PRIM2: variants seen among roughly 807,000 people sequenced by gnomAD.
PRIM2 encodes the protein DNA primase subunit 2.
A neutral mutation model predicts 67.3 loss-of-function variants in PRIM2; 39 were observed. The ratio of observed to expected loss-of-function variants is 0.58; its 90% CI spans 0.45 to 0.76. PRIM2 has a LOEUF of 0.76. Ranked by LOEUF, PRIM2 falls within the 30% of genes least tolerant of loss-of-function variation. PRIM2 has a pLI of 0.00. For synonymous variants in PRIM2, 143 were observed against 198.7 expected (o/e 0.72, Z 2.36); for missense variants, 398 against 598.7 (o/e 0.66, Z 3.50).
Position 57,318,417 on chromosome 6 carries a change from T to A in PRIM2, c.-9-20T>A. On this transcript the variant is annotated intron_variant, in intron 1 of 13. Coordinates refer to ENST00000615550, the MANE Select transcript of PRIM2 (RefSeq NM_000947.5). ...CTTTGTTTTCCATCATTTTACGCTT[T>A]TTGTGTACTTCCTTCTAAGGTGACC... 4 of 1,569,458 alleles carry A rather than the reference T, an allele frequency of 2.5e-6. No individual in the cohort carries two copies. Among genetic ancestry groups the A allele is most frequent in the Non-Finnish European group, 3.4e-6 (4 of 1,159,518 alleles).
chr6:57,368,714 C>A (rs1385445585), intron 5 of PRIM2, among the ~76,000 whole-genome samples: 2 of 152,092 alleles, frequency 1.3e-5, no homozygotes, highest in Non-Finnish European at 2.9e-5. Context: ...AATAAATATA[C>A]ATATATTGGA....
intron 9 of PRIM2, among the ~76,000 whole-genome samples, chr6:57,536,242 A>G (rs1775000463): frequency 6.6e-6 from 1 of 152,224 alleles, no homozygotes; most frequent in Non-Finnish European, 1.5e-5. Context: ...TATGTGAGGG[A>G]GTAAGAATTT....
intron 5 of PRIM2, among the ~76,000 whole-genome samples, chr6:57,336,347 A>G (rs1379346733): frequency 6.6e-6 from 1 of 151,994 alleles, no homozygotes; most frequent in East Asian, 1.9e-4. Flanking sequence ...CAGATTCAGG[A>G]AATACAGAGA....
intron 10 of PRIM2, among the ~76,000 whole-genome samples, chr6:57,589,136 C>T (rs1776242952): frequency 6.6e-6 from 1 of 152,156 alleles, no homozygotes; most frequent in Non-Finnish European, 1.5e-5. Flanking sequence ...GAGGCATTTC[C>T]AGGCCCAACC....
chr6:57,391,643 T>G (rs1319777456), intron 7 of PRIM2, among the ~76,000 whole-genome samples: 2 of 152,210 alleles, frequency 1.3e-5, no homozygotes, highest in Non-Finnish European at 2.9e-5. Flanking sequence ...TGCTTGTTTT[T>G]GTCAGCTTTG....
At chr6:57,439,161 C>A (rs1772111973) in intron 7 of PRIM2, among the ~76,000 whole-genome samples, 1 of 152,070 alleles carries the variant, frequency 6.6e-6, no homozygotes, top group South Asian at 2.1e-4. Flanking sequence ...TAGTCATGGT[C>A]ACTTTGGCTT....
the PRIM2 span, among the ~76,000 whole-genome samples, chr6:57,245,436 TGCC>T: frequency 6.6e-6 from 1 of 152,160 alleles, no homozygotes; most frequent in African/African-American, 2.4e-5. Context: ...TCACTGGAGG[TGCC>T]AGTAAACTCG....
intron 7 of PRIM2, among the ~76,000 whole-genome samples, chr6:57,425,513 C>T (rs1771594268): frequency 2.6e-5 from 4 of 152,074 alleles, no homozygotes; most frequent in African/African-American, 9.7e-5. Flanking sequence ...CCACACCCTG[C>T]CAATGGAATT....
chr6:57,547,547 C>A (rs1298560266), intron 10 of PRIM2, among the ~76,000 whole-genome samples: 1 of 152,334 alleles, frequency 6.6e-6, no homozygotes, highest in Middle Eastern at 3.4e-3. Context: ...GATATTAAAT[C>A]ACTTCGGCGA....
chr6:57,578,646 T>G (rs1268769829), intron 10 of PRIM2, among the ~76,000 whole-genome samples: 1 of 151,734 alleles, frequency 6.6e-6, no homozygotes, highest in Non-Finnish European at 1.5e-5. Context: ...TGTGCTTTCT[T>G]GACACACCTC....
At chr6:57,555,735 G>A (rs1221703571) in intron 10 of PRIM2, among the ~76,000 whole-genome samples, 30 of 152,018 alleles carry the variant, frequency 2.0e-4, no homozygotes, top group Non-Finnish European at 3.5e-4. Flanking sequence ...TCATTGGATG[G>A]GCCATACCAC....
intron 7 of PRIM2, among the ~76,000 whole-genome samples, chr6:57,388,928 T>C (rs1770236821): frequency 1.3e-5 from 2 of 152,044 alleles, no homozygotes; most frequent in Admixed American, 6.6e-5. Context: ...GGGATGTCAG[T>C]GGAGAAGAGA....
intron 5 of PRIM2, among the ~76,000 whole-genome samples, chr6:57,356,427 A>G (rs2127307092): frequency 6.6e-6 from 1 of 152,344 alleles, no homozygotes; most frequent in South Asian, 2.1e-4. Context: ...TGCAAATGAT[A>G]ATGTATAGGG....
chr6:57,617,065 G>C (rs1776769245), intron 12 of PRIM2, among the ~76,000 whole-genome samples: 1 of 152,206 alleles, frequency 6.6e-6, no homozygotes, highest in Non-Finnish European at 1.5e-5. Flanking sequence ...TTATCTCACA[G>C]TTTTGGAAGC....
intron 10 of PRIM2, among the ~76,000 whole-genome samples, chr6:57,589,716 AAG>A (rs1379135151): frequency 6.6e-6 from 1 of 152,132 alleles, no homozygotes; most frequent in Non-Finnish European, 1.5e-5. Context: ...ACCATAGCCG[AAG>A]AGAGTTTTTG....
intron 5 of PRIM2, among the ~76,000 whole-genome samples, chr6:57,360,989 A>T (rs1209699412): frequency 1.3e-5 from 2 of 152,252 alleles, no homozygotes; most frequent in African/African-American, 2.4e-5. Flanking sequence ...GGCCACATTT[A>T]GGTAGGGTAG....
chr6:57,301,375 T>G, the PRIM2 span, among the ~76,000 whole-genome samples: 1 of 152,140 alleles, frequency 6.6e-6, no homozygotes, highest in Non-Finnish European at 1.5e-5. Flanking sequence ...TAATCCCAGC[T>G]ACTCGGTAGG....
chr6:57,267,358 T>G, the PRIM2 span, among the ~76,000 whole-genome samples: 2 of 152,236 alleles, frequency 1.3e-5, no homozygotes, highest in South Asian at 4.2e-4. Flanking sequence ...AGTGGGCAAG[T>G]AAGACTGGCA....
chr6:57,612,246 T>A (rs1776680468), intron 12 of PRIM2, among the ~76,000 whole-genome samples: 1 of 152,134 alleles, frequency 6.6e-6, no homozygotes, highest in Admixed American at 6.5e-5. Context: ...ATTTATAGAA[T>A]TGAAATAAAA....
Sources: gnomAD v4.1 joint callset for allele counts (sites outside exome capture counted in the v4.1 genomes callset) on GRCh38, gnomAD v4.1.1 for gene constraint, MANE v1.5 for transcripts, NCBI Gene and HGNC (gene_info 2026-07-23, HGNC 2026-07-21) for gene names.